The following ERCC8 variants were observed in gnomAD, a reference collection of about 807,000 sequenced individuals.
ERCC8 encodes DNA excision repair protein ERCC-8.
Under a neutral mutation model 54.9 loss-of-function variants are expected in ERCC8, and 52 were observed. That is an observed-to-expected ratio of 0.95 (90% CI 0.76 to 1.19). The LOEUF (loss-of-function observed/expected upper bound fraction) is 1.19, where lower values mean the gene tolerates loss of function less well. ERCC8 is among the 50% of genes most tolerant of loss of function. The probability of loss-of-function intolerance (pLI) is 0.00; values close to 1 mark genes in which losing one functional copy is unlikely to be tolerated. For synonymous variants in ERCC8, 146 were observed against 157.2 expected, an observed-to-expected ratio of 0.93 and a Z score of 0.53; for missense variants, 514 against 466.1, an observed-to-expected ratio of 1.10 and a Z score of -0.95.
intron 9 of ERCC8, chr5:60,892,140 G>GTT (rs3832350): frequency 5.8e-3 from 2,675 of 461,946 alleles, no homozygotes; most frequent in East Asian, 0.024. Context: ...CCACCTTACT[G>GTT]TTTTTTTTTA....
At chr5:60,906,529 G>A (rs2112497664) in intron 4 of ERCC8, among the ~76,000 whole-genome samples, 1 of 151,904 alleles carries the variant, frequency 6.6e-6, no homozygotes, top group South Asian at 2.1e-4. Context: ...AGGAGTTTGA[G>A]ACAAGCCTGG....
intron 3 of ERCC8, among the ~76,000 whole-genome samples, chr5:60,920,706 T>C (rs1460611407): frequency 6.6e-6 from 1 of 151,978 alleles, no homozygotes; most frequent in Non-Finnish European, 1.5e-5. Flanking sequence ...CTTTTAAATA[T>C]AGAATCTGAA....
At position 60,868,909 on chromosome 5, in the gene ERCC8, T is replaced by G. The variant is rs1171246299; in HGVS notation, c.*5706A>C. Among the ~76,000 whole-genome samples, 1 of 152,224 alleles carries G rather than the reference T, an allele frequency of 6.6e-6. No homozygotes were observed. Among genetic ancestry groups the G allele is most frequent in the Non-Finnish European group, 1.5e-5 (1 of 68,038 alleles). On this transcript the variant is annotated 3_prime_UTR_variant, in exon 12 of 12. Transcript: ENST00000676185. ...TCATTACAATAGAAAGCAAAGTGAT[T>G]GTTTTCCTTTCTGTAATTAGCTTTC...
intron 2 of ERCC8, among the ~76,000 whole-genome samples, chr5:60,928,425 G>A (rs1189887569): frequency 6.6e-6 from 1 of 152,092 alleles, no homozygotes; most frequent in Non-Finnish European, 1.5e-5. Context: ...TAATTCGAAA[G>A]GTTAGGTAAG....
At chr5:60,938,091 T>A (rs1335002486) in intron 1 of ERCC8, among the ~76,000 whole-genome samples, 3 of 6,576 alleles carry the variant, frequency 4.6e-4, no homozygotes, top group Admixed American at 2.3e-3. Context: ...ATATATTTTA[T>A]TTTTTTTTTT....
At chr5:60,904,450 T>G (rs1748993573) in intron 5 of ERCC8, among the ~76,000 whole-genome samples, 2 of 151,640 alleles carry the variant, frequency 1.3e-5, no homozygotes, top group African/African-American at 4.8e-5. Context: ...TGTGTCAAAT[T>G]GGGAAAGTTG....
At chr5:60,918,443 G>A (rs1350115497) in intron 3 of ERCC8, 55 bp from the exon 4 acceptor site, 5 of 1,501,280 alleles carry the variant, frequency 3.3e-6, no homozygotes, top group Non-Finnish European at 4.6e-6. Flanking sequence ...TTTCAAAACT[G>A]GTACTATATT....
chr5:60,881,827 C>A (rs939209848), intron 11 of ERCC8, among the ~76,000 whole-genome samples: 3 of 152,196 alleles, frequency 2.0e-5, no homozygotes, highest in African/African-American at 7.2e-5. Context: ...CGATGCCTCA[C>A]CCTGCTTTGG....
At position 60,868,083 on chromosome 5, in the gene ERCC8, G is replaced by A. The variant is rs1432084100; in HGVS notation, c.*6532C>T. Among the ~76,000 whole-genome samples, 1 of 152,208 alleles carries A rather than the reference G, an allele frequency of 6.6e-6. No homozygotes were observed. On this transcript the variant is annotated 3_prime_UTR_variant, in exon 12 of 12. Coordinates refer to ENST00000676185, the MANE Select transcript of ERCC8 (RefSeq NM_000082.4). Reference sequence around the variant, plus strand: ...TAATCCCAGCTACTTGGGAGGCTGAGGCAGGAGAATCGCTTGAACCCAGGA... The same window carrying A: ...TAATCCCAGCTACTTGGGAGGCTGAAGCAGGAGAATCGCTTGAACCCAGGA...
At position 60,918,309 on chromosome 5, in the gene ERCC8, A is replaced by T; in HGVS notation, c.355T>A (p.Ser119Thr). Reference sequence around the variant, plus strand: ...CATACTTTCAGAGTTTTATCAAATGAGCTTGATGTGAACATGCCAGTGTCA... The same window carrying T: ...CATACTTTCAGAGTTTTATCAAATGTGCTTGATGTGAACATGCCAGTGTCA... Reference protein sequence around the residue: ...PHDTGMFTSSSFDKTLKVWDT... With the variant: ...PHDTGMFTSSTFDKTLKVWDT... The change falls in exon 4 of 12, where the codon TCA (serine) becomes ACA (threonine). Residue 119 changes from serine to threonine, a missense_variant. Ser to Thr is a moderately conservative substitution (Grantham distance 58). Coordinates refer to ENST00000676185, the MANE Select transcript of ERCC8 (RefSeq NM_000082.4). 1.9e-6 allele frequency: 3 copies of T among 1,594,618 alleles called. No individual in the cohort carries two copies. Among genetic ancestry groups the T allele is most frequent in the Non-Finnish European group, 2.6e-6 (3 of 1,162,620 alleles).
At chr5:60,911,957 G>C (rs773142538) in intron 4 of ERCC8, among the ~76,000 whole-genome samples, 15 of 152,262 alleles carry the variant, frequency 9.9e-5, no homozygotes, top group Non-Finnish European at 1.5e-4. Context: ...CTATATCTCT[G>C]TTTTGGTACC....
chr5:60,900,743 A>G (rs1044455656), intron 7 of ERCC8: 13 of 152,194 alleles, frequency 8.5e-5, no homozygotes, highest in African/African-American at 3.1e-4. Context: ...AGATTTGAAC[A>G]TATCCAACTT....
At chr5:60,894,149 T>C (rs1399447634) in intron 9 of ERCC8, among the ~76,000 whole-genome samples, 3 of 151,994 alleles carry the variant, frequency 2.0e-5, no homozygotes, top group Non-Finnish European at 2.9e-5. Flanking sequence ...CACGCCCGGC[T>C]AATTTTTTGT....
intron 3 of ERCC8, 49 bp downstream of exon 3, chr5:60,922,005 A>G (rs776527122): frequency 3.8e-6 from 5 of 1,332,150 alleles, no homozygotes; most frequent in Admixed American, 1.7e-5. Context: ...GATGCAAAAA[A>G]TACTCAACTA....
At chr5:60,884,495 G>T (rs1296814958) in intron 11 of ERCC8, among the ~76,000 whole-genome samples, 1 of 130,090 alleles carries the variant, frequency 7.7e-6, no homozygotes, top group Non-Finnish European at 1.6e-5. Flanking sequence ...AAAAAAAAAA[G>T]ACTATGTGTA....
chr5:60,888,432 T>C (rs1748457537), intron 10 of ERCC8, among the ~76,000 whole-genome samples: 1 of 152,142 alleles, frequency 6.6e-6, no homozygotes, highest in Admixed American at 6.5e-5. Context: ...GTAATTTTAC[T>C]CCCCTGAGAA....
chr5:60,876,080 G>C (rs4647139), intron 11 of ERCC8, among the ~76,000 whole-genome samples: 55,082 of 150,904 alleles, frequency 0.37, 10,474 homozygotes, highest in Middle Eastern at 0.4. Context: ...TTCCTGTGTC[G>C]AAGTGTTCTT....
chr5:60,882,107 C>G (rs1748253582), intron 11 of ERCC8, among the ~76,000 whole-genome samples: 1 of 152,174 alleles, frequency 6.6e-6, no homozygotes, highest in African/African-American at 2.4e-5. Context: ...TCCCAGAGTG[C>G]TGGGATTACA....
chr5:60,943,161 C>A (rs573984654), intron 1 of ERCC8, among the ~76,000 whole-genome samples: 118 of 152,034 alleles, frequency 7.8e-4, no homozygotes, highest in Non-Finnish European at 1.5e-3. Context: ...GTCCCAGCTA[C>A]TTAGGAGGAT....
Sources: gnomAD v4.1 joint callset for allele counts (sites outside exome capture counted in the v4.1 genomes callset) on GRCh38, gnomAD v4.1.1 for gene constraint, MANE v1.5 for transcripts, NCBI Gene and HGNC (gene_info 2026-07-23, HGNC 2026-07-21) for gene names.